Variants in ZNF423 observed in about 807,000 individuals in gnomAD.
ZNF423 encodes zinc finger protein 423.
In ZNF423, 12 loss-of-function variants were observed where a neutral mutation model predicts 95.8. The ratio of observed to expected loss-of-function variants is 0.13; its 90% CI spans 0.08 to 0.20. The LOEUF is 0.20. ZNF423 is among the 10% of genes least tolerant of loss of function. The probability of loss-of-function intolerance (pLI) is 1.00; values close to 1 mark genes in which losing one functional copy is unlikely to be tolerated. For synonymous variants in ZNF423, 749 were observed against 711.9 expected (o/e 1.05, Z -0.83); for missense variants, 1,316 against 1,737.1 (o/e 0.76, Z 4.31).
Position 49,491,022 on chromosome 16 carries a change from A to G in ZNF423, c.*253T>C. 3.9e-6 allele frequency: 2 copies of G among 507,734 alleles called. No individual in the cohort carries two copies. 31.5% of individuals were successfully genotyped at this position (507,734 alleles called of 1,614,324 possible). On this transcript the variant is annotated 3_prime_UTR_variant, in exon 8 of 8. Transcript: ENST00000563137. Reference sequence around the variant, plus strand: ...CAGGTTTCTCTAACTCTAGAAATGTAGTCTGCGGCGGAAAGTCTAAAAGCA... The same window carrying G: ...CAGGTTTCTCTAACTCTAGAAATGTGGTCTGCGGCGGAAAGTCTAAAAGCA...
At chr16:49,613,001 A>C (rs1971774672) in intron 5 of ZNF423, among the ~76,000 whole-genome samples, 1 of 152,088 alleles carries the variant, frequency 6.6e-6, no homozygotes, top group South Asian at 2.1e-4. Context: ...CTTTAAAAAA[A>C]AAAAAAAAGA....
chr16:49,532,904 C>T (rs927643189), intron 5 of ZNF423, among the ~76,000 whole-genome samples: 14 of 152,214 alleles, frequency 9.2e-5, no homozygotes, highest in African/African-American at 3.4e-4. Flanking sequence ...ATCGCATGTG[C>T]AAACGAACGC....
chr16:49,635,709 G>T lies in ZNF423; in HGVS notation c.3467C>A (p.Pro1156Gln). The change falls in exon 4 of 8, where the codon CCG becomes CAG. Residue 1156 changes from proline to glutamine, a missense_variant. Pro to Gln is a moderately conservative substitution (Grantham distance 76). Around this residue, in one of 6 missense-constraint regions of ZNF423, gnomAD observed 620 missense variants for 775.6 expected, o/e 0.80. Coordinates refer to ENST00000563137, the MANE Select transcript of ZNF423 (RefSeq NM_001379286.1). This position sits in a 1 kb window ranked among gnomAD's most constrained non-coding sequence, Gnocchi z 4.8. ...HMQVDHRDLT[P>Q]ETSGPRKGTQ... Reference sequence around the variant, plus strand: ...GCCTTTCCGGGGCCCACTGGTCTCCGGCGTGAGGTCACGGTGGTCCACCTG... The same window carrying T: ...GCCTTTCCGGGGCCCACTGGTCTCCTGCGTGAGGTCACGGTGGTCCACCTG... The T allele has an allele frequency of 6.2e-7, 1 of 1,604,974 alleles. No homozygotes were observed. The highest frequency in any genetic ancestry group is 1.3e-5 in the African/African-American group (1 of 74,544).
intron 5 of ZNF423, among the ~76,000 whole-genome samples, chr16:49,595,121 C>T (rs1971142416): frequency 6.6e-6 from 1 of 152,184 alleles, no homozygotes; most frequent in Non-Finnish European, 1.5e-5. Flanking sequence ...GGCGGGAGGG[C>T]AGGGAGTGCT....
At chr16:49,734,893 C>T (rs1204007883) in intron 2 of ZNF423, among the ~76,000 whole-genome samples, 1 of 152,180 alleles carries the variant, frequency 6.6e-6, no homozygotes, top group East Asian at 1.9e-4. Context: ...GAGTTGATGT[C>T]ATCATATCCC....
intron 3 of ZNF423, among the ~76,000 whole-genome samples, chr16:49,646,372 T>G (rs1198196213): frequency 6.6e-6 from 1 of 152,120 alleles, no homozygotes; most frequent in African/African-American, 2.4e-5. Context: ...ACACACCTGA[T>G]GCCAGAACTA....
intron 5 of ZNF423, among the ~76,000 whole-genome samples, chr16:49,616,838 G>T (rs951714084): frequency 6.6e-6 from 1 of 152,028 alleles, no homozygotes; most frequent in Non-Finnish European, 1.5e-5. Context: ...TAGCATGGCC[G>T]GTTTTTCCTC....
chr16:49,631,266 C>T (rs1036186166), intron 4 of ZNF423, among the ~76,000 whole-genome samples: 5 of 152,304 alleles, frequency 3.3e-5, no homozygotes, highest in African/African-American at 1.2e-4. Flanking sequence ...ACCACACACC[C>T]TCATGTACAC....
intron 2 of ZNF423, among the ~76,000 whole-genome samples, chr16:49,742,135 G>C (rs1215225390): frequency 3.3e-5 from 5 of 152,344 alleles, no homozygotes; most frequent in African/African-American, 1.2e-4. Context: ...CTGACATTTG[G>C]TCACAAGGAC....
chr16:49,652,307 AT>A (rs1346350048), intron 3 of ZNF423, among the ~76,000 whole-genome samples: 22 of 152,156 alleles, frequency 1.4e-4, no homozygotes, highest in African/African-American at 4.8e-4. Context: ...TGAAAATGCA[AT>A]TGAGCTCGAG....
intron 5 of ZNF423, among the ~76,000 whole-genome samples, chr16:49,574,510 T>G (rs1970438693): frequency 6.6e-6 from 1 of 152,220 alleles, no homozygotes; most frequent in South Asian, 2.1e-4. Context: ...TGCTGGTCCT[T>G]GGACTCTACT....
intron 1 of ZNF423, among the ~76,000 whole-genome samples, chr16:49,802,215 T>C (rs1041200340): frequency 6.6e-6 from 1 of 152,116 alleles, no homozygotes; most frequent in African/African-American, 2.4e-5. Context: ...GGTTCCAGAT[T>C]GAGTAGGATC....
At chr16:49,582,864 C>T (rs4785327) in intron 5 of ZNF423, among the ~76,000 whole-genome samples, 13,311 of 152,218 alleles carry the variant, frequency 0.087, 1,349 homozygotes, top group African/African-American at 0.23. Context: ...AATGCTATCA[C>T]AGGATAAACC....
At chr16:49,590,291 G>A (rs1567488293) in intron 5 of ZNF423, among the ~76,000 whole-genome samples, 3 of 152,002 alleles carry the variant, frequency 2.0e-5, no homozygotes, top group Middle Eastern at 6.8e-3. Flanking sequence ...CTCCTGACCC[G>A]GGCATGCTGC....
intron 3 of ZNF423, among the ~76,000 whole-genome samples, chr16:49,667,842 C>T (rs181822153): frequency 4.6e-5 from 7 of 152,296 alleles, no homozygotes; most frequent in East Asian, 1.9e-4. Context: ...GCTATGACTG[C>T]ACCACTGCAC....
intron 5 of ZNF423, among the ~76,000 whole-genome samples, chr16:49,556,154 T>C (rs1294232877): frequency 4.6e-5 from 7 of 152,154 alleles, no homozygotes; most frequent in East Asian, 1.9e-4. Flanking sequence ...CTGTGGACAG[T>C]AGAGAATTTA....
intron 2 of ZNF423, among the ~76,000 whole-genome samples, chr16:49,751,891 AG>A (rs1337123182): frequency 6.6e-6 from 1 of 152,196 alleles, no homozygotes; most frequent in African/African-American, 2.4e-5. Flanking sequence ...TCCAAGGCTA[AG>A]GTTCAGTGGT....
At chr16:49,699,464 G>GT (rs2032095139) in intron 3 of ZNF423, among the ~76,000 whole-genome samples, 1 of 152,168 alleles carries the variant, frequency 6.6e-6, no homozygotes, top group Admixed American at 6.5e-5. Context: ...TCTGTTTGGG[G>GT]GCGCAAAGGC....
intron 3 of ZNF423, among the ~76,000 whole-genome samples, chr16:49,692,049 AAGAGATCCTCT>A (rs1171741531): frequency 1.3e-5 from 2 of 152,098 alleles, no homozygotes; most frequent in African/African-American, 4.8e-5. Context: ...TCCCAGGCTC[AAGAGATCCTCT>A]AGCCTCAGCC....
Sources: allele counts gnomAD v4.1 joint callset (sites outside exome capture counted in the v4.1 genomes callset), GRCh38; gene constraint gnomAD v4.1.1; regional missense constraint gnomAD v4.1.1; non-coding constraint Gnocchi (gnomAD v3.1); transcripts MANE v1.5; gene names NCBI Gene and HGNC (gene_info 2026-07-23, HGNC 2026-07-21).